IMMP2L: variants seen among roughly 807,000 people sequenced by gnomAD.
The protein encoded by IMMP2L is inner mitochondrial membrane peptidase subunit 2.
In IMMP2L, 18 loss-of-function variants were observed where a neutral mutation model predicts 19.3. That is an observed-to-expected ratio of 0.93 (90% confidence interval 0.64 to 1.38). The LOEUF is 1.38. IMMP2L is among the 40% of genes most tolerant of loss of function. The probability of loss-of-function intolerance (pLI) is 0.00; values close to 1 mark genes in which losing one functional copy is unlikely to be tolerated. For synonymous variants in IMMP2L, 76 were observed against 73.0 expected, an observed-to-expected ratio of 1.04 and a Z score of -0.21; for missense variants, 233 against 218.2, an observed-to-expected ratio of 1.07 and a Z score of -0.43.
At chr7:111,011,342 C>T (rs1353366386) in intron 3 of IMMP2L, among the ~76,000 whole-genome samples, 1 of 152,070 alleles carries the variant, frequency 6.6e-6, no homozygotes, top group East Asian at 1.9e-4. Context: ...AGAAATATTG[C>T]TCATGTCATT....
At chr7:111,395,527 A>G (rs1832777856) in intron 3 of IMMP2L, among the ~76,000 whole-genome samples, 1 of 152,202 alleles carries the variant, frequency 6.6e-6, no homozygotes, top group African/African-American at 2.4e-5. Flanking sequence ...AAATCATAGT[A>G]CAGGTACAAA....
intron 3 of IMMP2L, among the ~76,000 whole-genome samples, chr7:111,399,945 A>G (rs2131398565): frequency 6.6e-6 from 1 of 152,168 alleles, no homozygotes; most frequent in African/African-American, 2.4e-5. Context: ...CATCAATTAT[A>G]TCTATAATAT....
rs1335276122 is a variant in IMMP2L, at chr7:110,812,187, C to A, written c.408+74406G>T. On this transcript the variant is annotated intron_variant, in intron 5 of 5. Coordinates refer to ENST00000405709, the MANE Select transcript of IMMP2L (RefSeq NM_032549.4). The stretch of plus-strand genomic sequence containing the variant: ...TCTCTTTTACTCAGATTATTTACAT[C>A]TTTCCATTTCAGAGCAACAGATCTG... Among the ~76,000 whole-genome samples the A allele has an allele frequency of 2.6e-5, 4 of 152,032 alleles. No homozygotes were observed. In the East Asian group the frequency reaches 7.7e-4, roughly 29 times the overall value.
chr7:111,043,871 T>A (rs535032483), intron 3 of IMMP2L, among the ~76,000 whole-genome samples: 1 of 152,332 alleles, frequency 6.6e-6, no homozygotes, highest in African/African-American at 2.4e-5. Flanking sequence ...TCACTTGACC[T>A]TCAAATACAA....
chr7:111,342,638 T>A lies in IMMP2L; in HGVS notation c.239+144600A>T, dbSNP rs192713190. ...ATACAATTTTACACTGGTAATAAAC[T>A]GACATTTGAATTTCTCTGTATTATC... On this transcript the variant is annotated intron_variant, in intron 3 of 5. Transcript: ENST00000405709. Among the ~76,000 whole-genome samples, 5 of 152,168 alleles carry A rather than the reference T, an allele frequency of 3.3e-5. No individual in the cohort carries two copies. In the East Asian group the frequency reaches 9.6e-4, roughly 29 times the overall value.
intron 3 of IMMP2L, among the ~76,000 whole-genome samples, chr7:111,459,187 A>G (rs1261562529): frequency 6.6e-6 from 1 of 152,148 alleles, no homozygotes; most frequent in Non-Finnish European, 1.5e-5. Flanking sequence ...ATTTTTCAAT[A>G]TTACAAAGAA....
At chr7:111,139,725 T>G (rs1216228209) in intron 3 of IMMP2L, among the ~76,000 whole-genome samples, 1 of 152,054 alleles carries the variant, frequency 6.6e-6, no homozygotes, top group Non-Finnish European at 1.5e-5. Flanking sequence ...CTCAAATTCC[T>G]CAAGTAGAAA....
In IMMP2L at chr7:110,766,237, G is replaced by A. The variant is rs1798653207; in HGVS notation, c.409-102516C>T. Among the ~76,000 whole-genome samples, 3 of 152,140 alleles carry A rather than the reference G, an allele frequency of 2.0e-5. No homozygotes were observed. In the South Asian group the frequency reaches 6.2e-4, roughly 32 times the overall value. On this transcript the variant is annotated intron_variant, in intron 5 of 5. Transcript: ENST00000405709. ...GATAGACTATTTCTGACTAATTTCT[G>A]GCTCTTAATAAACTTGTATTTGACT...
chr7:111,044,631 A>C (rs1037426852), intron 3 of IMMP2L, among the ~76,000 whole-genome samples: 1 of 152,222 alleles, frequency 6.6e-6, no homozygotes, highest in Non-Finnish European at 1.5e-5. Context: ...AAATCAGATA[A>C]GCCATTTGTC....
At chr7:110,722,138 T>C (rs1028356366) in intron 5 of IMMP2L, among the ~76,000 whole-genome samples, 4 of 151,964 alleles carry the variant, frequency 2.6e-5, no homozygotes, top group Admixed American at 2.6e-4. Context: ...TTTTGGAATA[T>C]TTGGAAAACA....
At chr7:111,204,781 C>A (rs1810521274) in intron 3 of IMMP2L, among the ~76,000 whole-genome samples, 1 of 152,228 alleles carries the variant, frequency 6.6e-6, no homozygotes, top group African/African-American at 2.4e-5. Flanking sequence ...GTTAACTGAC[C>A]TACTGAAGAT....
At chr7:110,951,062 T>C (rs1442714951) in intron 4 of IMMP2L, among the ~76,000 whole-genome samples, 2 of 151,326 alleles carry the variant, frequency 1.3e-5, no homozygotes, top group Non-Finnish European at 2.9e-5. Context: ...ACATGAAGTA[T>C]CTAAACCACT....
At chr7:111,406,942 G>T (rs768240591) in intron 3 of IMMP2L, among the ~76,000 whole-genome samples, 2 of 151,958 alleles carry the variant, frequency 1.3e-5, no homozygotes, top group African/African-American at 2.4e-5. Context: ...TCTGCAGTGG[G>T]TATAGTTTTT....
At chr7:111,406,042 C>A (rs1424053809) in intron 3 of IMMP2L, among the ~76,000 whole-genome samples, 1 of 151,986 alleles carries the variant, frequency 6.6e-6, no homozygotes, top group Non-Finnish European at 1.5e-5. Context: ...CTGAAAATTA[C>A]CCAAATTCTA....
At chr7:111,054,192 C>T (rs1260181776) in intron 3 of IMMP2L, among the ~76,000 whole-genome samples, 2 of 151,762 alleles carry the variant, frequency 1.3e-5, no homozygotes, top group Non-Finnish European at 2.9e-5. Context: ...TAAAATTCAC[C>T]CATACATTGA....
At chr7:111,473,831 A>T (rs1841481857) in intron 3 of IMMP2L, among the ~76,000 whole-genome samples, 1 of 152,166 alleles carries the variant, frequency 6.6e-6, no homozygotes. Flanking sequence ...ATATATCAAA[A>T]GGAAAATAAA....
intron 3 of IMMP2L, among the ~76,000 whole-genome samples, chr7:111,286,164 C>G (rs568066461): frequency 6.6e-6 from 1 of 152,094 alleles, no homozygotes; most frequent in Non-Finnish European, 1.5e-5. Context: ...GGAGTCAGGA[C>G]AGTTCACGAA....
chr7:111,544,097 G>C (rs996670149), intron 1 of IMMP2L, among the ~76,000 whole-genome samples: 1 of 152,040 alleles, frequency 6.6e-6, no homozygotes, highest in African/African-American at 2.4e-5. Flanking sequence ...GTCCTTTGTA[G>C]GGACATGGAT....
chr7:111,126,387 T>A (rs930637124), intron 3 of IMMP2L, among the ~76,000 whole-genome samples: 1 of 152,156 alleles, frequency 6.6e-6, no homozygotes, highest in Non-Finnish European at 1.5e-5. Context: ...TTCTTTTATT[T>A]AGCTCACTCC....
Sources: allele counts gnomAD v4.1 joint callset (sites outside exome capture counted in the v4.1 genomes callset), GRCh38; gene constraint gnomAD v4.1.1; transcripts MANE v1.5; gene names NCBI Gene and HGNC (gene_info 2026-07-23, HGNC 2026-07-21).